STXBP5: variants seen among roughly 807,000 people sequenced by gnomAD.
STXBP5 encodes syntaxin binding protein 5.
In STXBP5, 50 loss-of-function variants were observed where a neutral mutation model predicts 152.4. The observed-to-expected ratio is 0.33, with a 90% CI of 0.26 to 0.42. The LOEUF (loss-of-function observed/expected upper bound fraction) is 0.42, where lower values mean the gene tolerates loss of function less well. Ranked by LOEUF, STXBP5 falls within the 10% of genes least tolerant of loss-of-function variation. STXBP5 has a pLI of 1.00. For synonymous variants in STXBP5, 492 were observed against 494.7 expected, an observed-to-expected ratio of 0.99 and a Z score of 0.07; for missense variants, 1,167 against 1,388.6, an observed-to-expected ratio of 0.84 and a Z score of 2.54.
At chr6:147,305,180 C>CT (rs779201172) in intron 9 of STXBP5, among the ~76,000 whole-genome samples, 25 of 152,304 alleles carry the variant, frequency 1.6e-4, no homozygotes, top group Non-Finnish European at 3.5e-4. Flanking sequence ...TTGAATGCCA[C>CT]TTGACATTGT....
intron 22 of STXBP5, among the ~76,000 whole-genome samples, chr6:147,356,845 CCTTT>C (rs1784837110): frequency 6.6e-6 from 1 of 151,992 alleles, no homozygotes; most frequent in South Asian, 2.1e-4. Context: ...TTTGAAGAGT[CCTTT>C]CTTTCACAAT....
At chr6:147,280,165 C>T (rs534897147) in intron 8 of STXBP5, among the ~76,000 whole-genome samples, 72 of 151,510 alleles carry the variant, frequency 4.8e-4, no homozygotes, top group Non-Finnish European at 9.1e-4. Flanking sequence ...TGTTTCTTCT[C>T]GAAACTGGAA....
chr6:147,240,373 T>G (rs1235298578), intron 4 of STXBP5, among the ~76,000 whole-genome samples: 5 of 152,186 alleles, frequency 3.3e-5, no homozygotes, highest in African/African-American at 1.2e-4. Flanking sequence ...TTGTTTATCT[T>G]GTATACATGT....
At chr6:147,230,080 T>C (rs1041780166) in intron 2 of STXBP5, among the ~76,000 whole-genome samples, 1 of 151,964 alleles carries the variant, frequency 6.6e-6, no homozygotes, top group African/African-American at 2.4e-5. Context: ...AGGGTGTTGA[T>C]TTTTGTCAGA....
intron 7 of STXBP5, among the ~76,000 whole-genome samples, chr6:147,273,829 G>C (rs1453672444): frequency 6.6e-6 from 1 of 152,004 alleles, no homozygotes; most frequent in Non-Finnish European, 1.5e-5. Context: ...GTGGGCACCT[G>C]TAGTCCCAGC....
chr6:147,355,589 CAG>C (rs1487475770), intron 22 of STXBP5, among the ~76,000 whole-genome samples: 1 of 152,110 alleles, frequency 6.6e-6, no homozygotes, highest in Admixed American at 6.5e-5. Flanking sequence ...AGTTGCCTAA[CAG>C]AAAGTTTTAG....
At chr6:147,249,854 C>T (rs1425525551) in intron 4 of STXBP5, among the ~76,000 whole-genome samples, 1 of 152,018 alleles carries the variant, frequency 6.6e-6, no homozygotes. Context: ...AACAGTGTAC[C>T]CCACAGATCT....
rs547176656 is a variant in STXBP5, at chr6:147,219,191, T to C, written c.248+13123T>C. On this transcript the variant is annotated intron_variant, in intron 2 of 27. Coordinates refer to ENST00000321680, the MANE Select transcript of STXBP5 (RefSeq NM_001127715.4). Reference sequence around the variant, plus strand: ...TTTTCTGCATCAGTTGATATAATCATGTGATTTTTCTTTTTTTAGAAAAAT... The same window carrying C: ...TTTTCTGCATCAGTTGATATAATCACGTGATTTTTCTTTTTTTAGAAAAAT... Among the ~76,000 whole-genome samples the C allele has an allele frequency of 1.5e-3, 226 of 152,324 alleles. 3 individuals carry two copies. The highest frequency in any genetic ancestry group is 6.3e-3 in the Admixed American group (97 of 15,302).
In STXBP5 at chr6:147,262,275, CTT is replaced by C; in HGVS notation, c.567-11_567-10del. 1.3e-6 allele frequency: 2 copies of C among 1,519,520 alleles called. No individual in the cohort carries two copies. The highest frequency in any genetic ancestry group is 8.8e-7 in the Non-Finnish European group (1 of 1,131,466). The allele number at this position is 1,519,520 out of a possible 1,614,324, so 94.1% of individuals were successfully genotyped here. A position where few individuals can be genotyped will look rare whatever the true frequency, so the allele number is the denominator to read the frequency against. On this transcript the variant is annotated splice_polypyrimidine_tract_variant and intron_variant, in intron 5 of 27. Transcript: ENST00000321680. ...TTAACTGAAGAGAAAATCTTACTAA[CTT>C]TTTCTTTTTTAGGTCATCTAAATCT...
chr6:147,339,430 CA>C (rs1783990370), intron 21 of STXBP5, 46 bp downstream of exon 21: 1 of 1,367,676 alleles, frequency 7.3e-7, no homozygotes, highest in South Asian at 1.6e-5. Context: ...TTGCTATATG[CA>C]GTGCTAACCC....
chr6:147,349,869 G>C (rs1038252845), intron 21 of STXBP5, among the ~76,000 whole-genome samples: 2 of 152,120 alleles, frequency 1.3e-5, no homozygotes, highest in Admixed American at 6.6e-5. Flanking sequence ...AATATTACTT[G>C]ATAGCTAGAA....
chr6:147,291,042 AATG>A, intron 8 of STXBP5, 49 bp from the exon 9 acceptor site: 1 of 1,344,826 alleles, frequency 7.4e-7, no homozygotes, highest in Non-Finnish European at 1.0e-6. Context: ...TCAATGTAAG[AATG>A]TAGAGTAACT....
intron 10 of STXBP5, 61 bp downstream of exon 10, chr6:147,310,299 A>AC: frequency 1.6e-6 from 2 of 1,233,972 alleles, no homozygotes; most frequent in Non-Finnish European, 1.0e-6. Flanking sequence ...AAAAAAAAAA[A>AC]GACCTAGGTT....
Position 147,385,383 on chromosome 6 carries a change from A to T in STXBP5, c.*628A>T, listed in dbSNP as rs1229191853. On this transcript the variant is annotated 3_prime_UTR_variant, in exon 28 of 28. Transcript: ENST00000321680. ...TATGAGCTACTCTTGGATTCTTGTT[A>T]TTATAGACTTGTATTTAGTTCATAT... 6.6e-6 allele frequency: 1 copy of T among 152,124 alleles called. No homozygotes were observed. The highest frequency in any genetic ancestry group is 6.6e-5 in the Admixed American group (1 of 15,246). 9.4% of individuals were successfully genotyped at this position (152,124 alleles called of 1,614,324 possible).
chr6:147,327,309 T>C, intron 18 of STXBP5, 33 bp downstream of exon 18: 2 of 1,588,376 alleles, frequency 1.3e-6, no homozygotes, highest in Non-Finnish European at 1.7e-6. Flanking sequence ...TTCTGAGCTT[T>C]AGGATTTCTA....
chr6:147,295,140 T>A (rs1202078446), intron 9 of STXBP5, among the ~76,000 whole-genome samples: 1 of 152,242 alleles, frequency 6.6e-6, no homozygotes, highest in African/African-American at 2.4e-5. Flanking sequence ...TATAGGTGTT[T>A]GATAACTCTA....
intron 3 of STXBP5, among the ~76,000 whole-genome samples, chr6:147,237,122 A>G (rs1778316816): frequency 6.6e-6 from 1 of 152,134 alleles, no homozygotes; most frequent in South Asian, 2.1e-4. Flanking sequence ...TTAAATCAAC[A>G]TTTGAGCCAA....
chr6:147,211,121 C>G (rs765099322), intron 2 of STXBP5, among the ~76,000 whole-genome samples: 42 of 151,950 alleles, frequency 2.8e-4, no homozygotes, highest in Middle Eastern at 3.2e-3. Flanking sequence ...AACAGCCTGA[C>G]CAACGTGGTG....
intron 14 of STXBP5, 110 bp from the exon 15 acceptor site, chr6:147,315,405 G>T: frequency 1.5e-6 from 1 of 654,658 alleles, no homozygotes; most frequent in South Asian, 2.5e-5. Context: ...ATGAAAATAT[G>T]ATGTAGTTAA....
Sources: allele counts gnomAD v4.1 joint callset (sites outside exome capture counted in the v4.1 genomes callset), GRCh38; gene constraint gnomAD v4.1.1; transcripts MANE v1.5; gene names NCBI Gene and HGNC (gene_info 2026-07-23, HGNC 2026-07-21).